The following C11orf54 variants were observed in gnomAD, a reference collection of about 807,000 sequenced individuals.
The protein encoded by C11orf54 is beta-keto-L-gulonate decarboxylase, also known as beta-keto L-gulonate decarboxylase.
In C11orf54, 29 loss-of-function variants were observed where a neutral mutation model predicts 35.5. The observed-to-expected ratio is 0.82, with a 90% CI of 0.61 to 1.11. The LOEUF (loss-of-function observed/expected upper bound fraction) is 1.11. Ranked by LOEUF, C11orf54 falls within the 50% of genes most tolerant of loss-of-function variation. The pLI is 0.00. For synonymous variants in C11orf54, 108 were observed against 121.1 expected (o/e 0.89, Z 0.71); for missense variants, 373 against 369.2 (o/e 1.01, Z -0.08).
intron 5 of C11orf54, chr11:93,754,728 C>CTTTTTTTTTTTTTTTTTTT (rs71064780): frequency 1.1e-5 from 1 of 92,052 alleles, no homozygotes; most frequent in Non-Finnish European, 2.0e-5. Flanking sequence ...CAATAAATAT[C>CTTTTTTTTTTTTTTTTTTT]TTTTTTTTTT....
At chr11:93,755,533 T>G in intron 6 of C11orf54, 147 bp downstream of exon 6, 1 of 805,132 alleles carries the variant, frequency 1.2e-6, no homozygotes, top group Non-Finnish European at 1.9e-6. Context: ...TGAGGTCAAC[T>G]TGAGGTCAGG....
chr11:93,758,262 C>A (rs1043331898), intron 7 of C11orf54, among the ~76,000 whole-genome samples: 1 of 152,190 alleles, frequency 6.6e-6, no homozygotes. Context: ...GCTGGAGCTC[C>A]GTTGGTGCCG....
At chr11:93,750,290 C>T (rs914776867) in intron 2 of C11orf54, 56 bp from the exon 3 acceptor site, 31 of 1,395,292 alleles carry the variant, frequency 2.2e-5, no homozygotes, top group East Asian at 4.6e-5. Flanking sequence ...ACTTTTGATA[C>T]GTGGTAGCCA....
chr11:93,761,573 A>G lies in C11orf54; in HGVS notation c.833A>G (p.His278Arg). The G allele has an allele frequency of 6.2e-7, 1 of 1,612,768 alleles. No individual in the cohort carries two copies. The highest frequency in any genetic ancestry group is 8.5e-7 in the Non-Finnish European group (1 of 1,179,470). The change falls in exon 9 of 9, where the codon CAC (histidine) becomes CGC (arginine). Residue 278 changes from histidine to arginine, a missense_variant. His to Arg is a conservative substitution (Grantham distance 29). Coordinates refer to ENST00000354421, the MANE Select transcript of C11orf54 (RefSeq NM_001286069.2). ...HFFSRHGEGG[H>R]YHYDTTPDIV... ...TTTAGTCGTCATGGAGAAGGTGGAC[A>G]CTACCATTATGACACTACTCCAGAT...
chr11:93,753,239 A>G (rs1942941993), intron 3 of C11orf54, among the ~76,000 whole-genome samples: 1 of 152,194 alleles, frequency 6.6e-6, no homozygotes, highest in African/African-American at 2.4e-5. Flanking sequence ...AGCCTCCCAA[A>G]GTGCTGGGAT....
At chr11:93,747,559 C>T in intron 2 of C11orf54, 111 bp downstream of exon 2, 2 of 588,830 alleles carry the variant, frequency 3.4e-6, no homozygotes, top group East Asian at 3.4e-5. Context: ...CTATATCTTA[C>T]TTATCAAAAT....
chr11:93,748,761 G>T (rs1055356726), intron 2 of C11orf54, among the ~76,000 whole-genome samples: 1 of 151,748 alleles, frequency 6.6e-6, no homozygotes, highest in South Asian at 2.1e-4. Flanking sequence ...ACTTGAACCT[G>T]GGAGGCAGAA....
intron 3 of C11orf54, 135 bp from the exon 4 acceptor site, chr11:93,753,547 A>C (rs905042720): frequency 1.4e-6 from 1 of 708,528 alleles, no homozygotes; most frequent in Admixed American, 2.7e-5. Context: ...TCTAGCCACT[A>C]TGTCTTCCAA....
Position 93,747,367 on chromosome 11 carries a change from C to A in C11orf54, c.-27C>A. ...TTAACCAAGAGTAGCTCTATTTGTC[C>A]AACCTCACACCTAAAGAAGAAAGAA... is the stretch of plus-strand genomic sequence containing the variant. On this transcript the variant is annotated 5_prime_UTR_variant, in exon 2 of 9. Transcript: ENST00000354421. 1.3e-6 allele frequency: 2 copies of A among 1,562,892 alleles called. No individual in the cohort carries two copies. The highest frequency in any genetic ancestry group is 2.0e-5 in the Admixed American group (1 of 50,474).
At chr11:93,760,277 C>T (rs965499981) in intron 8 of C11orf54, among the ~76,000 whole-genome samples, 1 of 152,078 alleles carries the variant, frequency 6.6e-6, no homozygotes, top group African/African-American at 2.4e-5. Context: ...TGAGGGTAGC[C>T]TCTAGAATTA....
intron 6 of C11orf54, among the ~76,000 whole-genome samples, chr11:93,755,895 G>A: frequency 6.6e-6 from 1 of 152,028 alleles, no homozygotes; most frequent in Non-Finnish European, 1.5e-5. Context: ...GCCAGACGCG[G>A]TGGCTCACGC....
chr11:93,747,693 T>A (rs1942558190), intron 2 of C11orf54, among the ~76,000 whole-genome samples: 1 of 152,198 alleles, frequency 6.6e-6, no homozygotes, highest in Non-Finnish European at 1.5e-5. Context: ...TTTCTTTCAC[T>A]TATAGATTAT....
rs1591374195 is a variant in C11orf54, at chr11:93,763,070, AAATTT to A, written c.*1389_*1393del. On this transcript the variant is annotated 3_prime_UTR_variant, in exon 9 of 9. Transcript: ENST00000354421. ...ATTTTGATGCAAAAAAATGAATAAA[AAATTT>A]AATTTATGATATGTTTGTAATATCT... The A allele has an allele frequency of 6.6e-6, 1 of 152,230 alleles. No individual in the cohort carries two copies. The highest frequency in any genetic ancestry group is 2.4e-5 in the African/African-American group (1 of 41,460). 9.4% of individuals were successfully genotyped at this position (152,230 alleles called of 1,614,324 possible). A position where few individuals can be genotyped will look rare whatever the true frequency, so the allele number is the denominator to read the frequency against.
At chr11:93,744,202 T>C (rs1942318143) in intron 1 of C11orf54, among the ~76,000 whole-genome samples, 1 of 152,228 alleles carries the variant, frequency 6.6e-6, no homozygotes, top group Non-Finnish European at 1.5e-5. Flanking sequence ...GAGTCCTATA[T>C]GCACTGTTAT....
intron 3 of C11orf54, 109 bp downstream of exon 3, chr11:93,750,553 C>G: frequency 4.6e-6 from 4 of 866,102 alleles, no homozygotes; most frequent in Non-Finnish European, 7.2e-6. Flanking sequence ...GATATTGTCA[C>G]AACATTTAGG....
intron 2 of C11orf54, among the ~76,000 whole-genome samples, chr11:93,748,963 G>A (rs1942644295): frequency 6.6e-6 from 1 of 151,782 alleles, no homozygotes. Context: ...GGCCAACATG[G>A]TGAAACCCTG....
chr11:93,747,528 T>G, intron 2 of C11orf54, 80 bp downstream of exon 2: 3 of 1,007,514 alleles, frequency 3.0e-6, no homozygotes, highest in Non-Finnish European at 4.3e-6. Flanking sequence ...GATCTATCTA[T>G]ATCTTACTAC....
rs1943581989 is a variant in C11orf54 at position 93,764,614 on chromosome 11, T to TA, written c.*2927dup. The stretch of plus-strand genomic sequence containing the variant: ...ATGCTTTTCTTTTTAAATTTTTTCT[T>TA]AGTTTTCTTTCTTTATAGAGACAGA... On this transcript the variant is annotated 3_prime_UTR_variant, in exon 9 of 9. Transcript: ENST00000354421. 6.6e-6 allele frequency: 1 copy of TA among 152,180 alleles called. No individual in the cohort carries two copies. Among genetic ancestry groups the TA allele is most frequent in the African/African-American group, 2.4e-5 (1 of 41,454 alleles). 9.4% of individuals were successfully genotyped at this position (152,180 alleles called of 1,614,324 possible). A position where few individuals can be genotyped will look rare whatever the true frequency, so the allele number is the denominator to read the frequency against.
At chr11:93,750,278 C>T in intron 2 of C11orf54, 68 bp from the exon 3 acceptor site, 1 of 1,242,454 alleles carries the variant, frequency 8.0e-7, no homozygotes, top group Non-Finnish European at 1.2e-6. Context: ...GAGCCACATA[C>T]CACTTTTGAT....
Sources: allele counts gnomAD v4.1 joint callset (sites outside exome capture counted in the v4.1 genomes callset), GRCh38; gene constraint gnomAD v4.1.1; transcripts MANE v1.5; gene names NCBI Gene and HGNC (gene_info 2026-07-23, HGNC 2026-07-21).